Variants in TBX5 observed in about 807,000 individuals in gnomAD.
The protein encoded by TBX5 is T-box transcription factor 5.
Under a neutral mutation model 51.1 loss-of-function variants are expected in TBX5, and 8 were observed. That is an observed-to-expected ratio of 0.16 (90% CI 0.09 to 0.28). The LOEUF (loss-of-function observed/expected upper bound fraction) is 0.28, where lower values mean the gene tolerates loss of function less well. Among genes scored for constraint, TBX5 ranks in the 10% least tolerant of loss-of-function variants. TBX5 has a pLI of 1.00. For missense variants in TBX5, 589 were observed against 671.7 expected (o/e 0.88, Z 1.36); for synonymous variants, 302 against 266.4 (o/e 1.13, Z -1.30).
intron 7 of TBX5, among the ~76,000 whole-genome samples, chr12:114,366,696 T>C (rs947426211): frequency 3.3e-5 from 5 of 152,118 alleles, no homozygotes; most frequent in Non-Finnish European, 5.9e-5. Flanking sequence ...TAAACACACA[T>C]GGTATTTTGA....
intron 8 of TBX5, 142 bp from the exon 9 acceptor site, chr12:114,356,248 G>C (rs867170084): frequency 1.3e-5 from 11 of 848,738 alleles, no homozygotes; most frequent in African/African-American, 8.3e-5. Flanking sequence ...ACAAAAAAAG[G>C]GGGTTGGATT....
intron 7 of TBX5, among the ~76,000 whole-genome samples, chr12:114,377,559 C>CTT (rs112942662): frequency 6.5e-5 from 9 of 138,228 alleles, no homozygotes; most frequent in African/African-American, 1.6e-4. Flanking sequence ...TCCAGTTAAT[C>CTT]TTTTTTTTTT....
chr12:114,367,613 T>C (rs1358572943), intron 7 of TBX5, among the ~76,000 whole-genome samples: 1 of 130,104 alleles, frequency 7.7e-6, no homozygotes, highest in Non-Finnish European at 1.6e-5. Flanking sequence ...TCAAAGGAAA[T>C]GAGAGAGGTG....
In TBX5 at chr12:114,355,655, G is replaced by T; in HGVS notation, c.1434C>A (p.Ser478=). 6.2e-7 allele frequency: 1 copy of T among 1,614,184 alleles called. No individual in the cohort carries two copies. The highest frequency in any genetic ancestry group is 1.3e-5 in the African/African-American group (1 of 75,064). The part of the protein sequence containing the change: ...RQCGPQTGLQ[S]PGTLQPPEFL... Reference sequence around the variant, plus strand: ...ACTCAGGGGGCTGAAGGGTGCCAGGGGACTGCAGGCCAGTCTGAGGCCCAC... The same window carrying T: ...ACTCAGGGGGCTGAAGGGTGCCAGGTGACTGCAGGCCAGTCTGAGGCCCAC... Residue 478 remains serine (S), a synonymous_variant, in exon 9 of 9, where the codon TCC becomes TCA. Coordinates refer to ENST00000405440, the MANE Select transcript of TBX5 (RefSeq NM_181486.4).
At chr12:114,359,749 T>A (rs1051577470) in intron 8 of TBX5, among the ~76,000 whole-genome samples, 1 of 152,194 alleles carries the variant, frequency 6.6e-6, no homozygotes, top group Non-Finnish European at 1.5e-5. Flanking sequence ...TCGCTCGCCA[T>A]GTGACTGGAT....
chr12:114,367,476 G>C (rs1869611332), intron 7 of TBX5, among the ~76,000 whole-genome samples: 2 of 152,096 alleles, frequency 1.3e-5, no homozygotes, highest in Non-Finnish European at 2.9e-5. Context: ...ACACTCTTAG[G>C]ACTGGTCCTC....
intron 6 of TBX5, 152 bp downstream of exon 6, chr12:114,394,589 G>A (rs946416899): frequency 2.0e-6 from 2 of 992,300 alleles, no homozygotes; most frequent in Non-Finnish European, 3.1e-6. Flanking sequence ...AAACTCTTAG[G>A]CTGCAGCTTT....
chr12:114,401,708 T>G, intron 3 of TBX5, 118 bp downstream of exon 3: 5 of 890,824 alleles, frequency 5.6e-6, no homozygotes, highest in South Asian at 5.6e-5. Flanking sequence ...CTCTTCTTTC[T>G]CTATATTCCC....
intron 6 of TBX5, among the ~76,000 whole-genome samples, chr12:114,389,732 C>T (rs981217841): frequency 4.1e-5 from 5 of 121,094 alleles, no homozygotes; most frequent in Non-Finnish European, 8.0e-5. Flanking sequence ...CCAGCCTGGG[C>T]GACAGAGCGA....
intron 5 of TBX5, among the ~76,000 whole-genome samples, chr12:114,396,269 C>T (rs1379719956): frequency 6.6e-6 from 1 of 151,832 alleles, no homozygotes; most frequent in East Asian, 2.0e-4. Context: ...GCGACGCCGA[C>T]CGGGGCGGCG....
At chr12:114,400,590 C>G (rs1411281437) in intron 3 of TBX5, among the ~76,000 whole-genome samples, 1 of 152,224 alleles carries the variant, frequency 6.6e-6, no homozygotes, top group African/African-American at 2.4e-5. Context: ...CCTCCGAGCC[C>G]CGGAGCCAAA....
chr12:114,396,399 G>A (rs1871432029), intron 5 of TBX5, among the ~76,000 whole-genome samples: 1 of 152,110 alleles, frequency 6.6e-6, no homozygotes. Flanking sequence ...ACATCAGCGC[G>A]AGGGCGATCT....
At chr12:114,363,784 C>T (rs1256574204) in intron 8 of TBX5, among the ~76,000 whole-genome samples, 1 of 152,178 alleles carries the variant, frequency 6.6e-6, no homozygotes, top group East Asian at 1.9e-4. Context: ...GCATCTACTC[C>T]ATAGTGTTGT....
intron 8 of TBX5, among the ~76,000 whole-genome samples, chr12:114,364,219 T>C (rs1013289022): frequency 6.6e-6 from 1 of 152,216 alleles, no homozygotes; most frequent in Non-Finnish European, 1.5e-5. Flanking sequence ...TTCCCATTGG[T>C]TGTTAGCGAG....
chr12:114,370,288 G>GAAAAGAAAAGAAAAGAAAGAAAAGA (rs56105735), intron 7 of TBX5, among the ~76,000 whole-genome samples: 19 of 56,736 alleles, frequency 3.3e-4, no homozygotes, highest in Admixed American at 2.6e-3. Context: ...GAAAAGAAAA[G>GAAAAGAAAAGAAAAGAAAGAAAAGA]AAAGAAAAGA....
Position 114,371,587 on chromosome 12 carries a change from G to GT in TBX5, c.756-5197dup, listed in dbSNP as rs57151200. Reference sequence around the variant, plus strand: ...GGCGCTGGCATGTTCAGATTTTTGTGTTTTTTTTTTTTTTTTTTTCCTGGT... The same window carrying GT: ...GGCGCTGGCATGTTCAGATTTTTGTGTTTTTTTTTTTTTTTTTTTTCCTGGT... On this transcript the variant is annotated intron_variant, in intron 7 of 8. Coordinates refer to ENST00000405440, the MANE Select transcript of TBX5 (RefSeq NM_181486.4). 0.029 allele frequency among the ~76,000 whole-genome samples: 3,500 copies of GT among 121,676 alleles called. 257 individuals are homozygous for GT. In the East Asian group the frequency reaches 0.34, roughly 12 times the overall value. 79.8% of individuals were successfully genotyped at this position (121,676 alleles called of 152,430 possible).
At chr12:114,403,468 A>T (rs907013493) in intron 2 of TBX5, among the ~76,000 whole-genome samples, 2 of 152,244 alleles carry the variant, frequency 1.3e-5, no homozygotes, top group Non-Finnish European at 2.9e-5. Flanking sequence ...CGGCCGGATA[A>T]TTGAGATTTC....
Position 114,356,090 on chromosome 12 carries a change from G to T in TBX5, c.999C>A (p.Thr333=). The change falls in exon 9 of 9, where the codon ACC becomes ACA. Residue 333 remains threonine, a synonymous_variant. Coordinates refer to ENST00000405440, the MANE Select transcript of TBX5 (RefSeq NM_181486.4). ...AGGGCTTCTTATAGGGATGGTCTGT[G>T]GTGGAACATTCTTCCTCTGTGAAGA... ...CTKRKEEECS[T]TDHPYKKPYM... 6.2e-7 allele frequency: 1 copy of T among 1,611,978 alleles called. No homozygotes were observed.
intron 7 of TBX5, among the ~76,000 whole-genome samples, chr12:114,377,677 C>T (rs1221669503): frequency 6.6e-6 from 1 of 151,746 alleles, no homozygotes; most frequent in Non-Finnish European, 1.5e-5. Context: ...TCTCAGCCTC[C>T]CAAAGTGCTG....
Sources: gnomAD v4.1 joint callset for allele counts (sites outside exome capture counted in the v4.1 genomes callset) on GRCh38, gnomAD v4.1.1 for gene constraint, MANE v1.5 for transcripts, NCBI Gene and HGNC (gene_info 2026-07-23, HGNC 2026-07-21) for gene names.